The following RYR3 variants were observed in gnomAD, a reference collection of about 807,000 sequenced individuals.
RYR3 encodes brain ryanodine receptor-calcium release channel.
A neutral mutation model predicts 584.3 loss-of-function variants in RYR3; 207 were observed. The ratio of observed to expected loss-of-function variants is 0.35; its 90% CI spans 0.32 to 0.40. RYR3 has a LOEUF of 0.40. Ranked by LOEUF, RYR3 falls within the 10% of genes least tolerant of loss-of-function variation. RYR3 has a pLI of 1.00. For synonymous variants in RYR3, 2,416 were observed against 2,248.5 expected (o/e 1.07, Z -2.11); for missense variants, 5,616 against 6,089.2 (o/e 0.92, Z 2.59).
chr15:33,586,902 C>T (rs922293234), intron 16 of RYR3, among the ~76,000 whole-genome samples: 3 of 152,044 alleles, frequency 2.0e-5, no homozygotes, highest in Non-Finnish European at 2.9e-5. Flanking sequence ...CGATATTCAA[C>T]GGCTCAGGAG....
At chr15:33,419,069 T>A (rs1041114702) in intron 1 of RYR3, among the ~76,000 whole-genome samples, 1 of 152,108 alleles carries the variant, frequency 6.6e-6, no homozygotes, top group Admixed American at 6.6e-5. Context: ...TTATATGCAT[T>A]TAAGCCTTTG....
chr15:33,539,830 A>T (rs1193305295), intron 6 of RYR3, among the ~76,000 whole-genome samples: 1 of 152,174 alleles, frequency 6.6e-6, no homozygotes, highest in East Asian at 1.9e-4. Context: ...AAGAGAAAGT[A>T]TATATACTGT....
At position 33,540,870 on chromosome 15, in the gene RYR3, C is replaced by T. The variant is rs1339051502; in HGVS notation, c.626C>T (p.Ser209Leu). 9.9e-6 allele frequency: 16 copies of T among 1,610,498 alleles called. No homozygotes were observed. Among genetic ancestry groups the T allele is most frequent in the Non-Finnish European group, 1.3e-5 (15 of 1,176,900 alleles). The change falls in exon 7 of 104, where the codon TCA becomes TTA. Residue 209 changes from serine (S) to leucine (L), a missense_variant. By Grantham distance (145) the Ser-to-Leu change is moderately radical. This residue lies in a region of RYR3 where 1,284 missense variants were observed against 1,344.6 expected (regional missense o/e 0.95). Coordinates refer to ENST00000634891, the MANE Select transcript of RYR3 (RefSeq NM_001036.6). ...QTLWNVHPTC[S>L]GSSIEEGYLL... ...CTCTGGAATGTACATCCTACGTGCT[C>T]AGGAAGTAGCATCGAAGAAGGTGTG...
At chr15:33,614,553 A>G (rs1703692577) in intron 19 of RYR3, among the ~76,000 whole-genome samples, 1 of 152,030 alleles carries the variant, frequency 6.6e-6, no homozygotes, top group South Asian at 2.1e-4. Context: ...AACATTTTTT[A>G]TGCTTACTTT....
At chr15:33,837,442 T>C (rs1410706112) in intron 88 of RYR3, among the ~76,000 whole-genome samples, 189 bp from the exon 89 acceptor site, 1 of 152,196 alleles carries the variant, frequency 6.6e-6, no homozygotes, top group Non-Finnish European at 1.5e-5. Flanking sequence ...CCTTCTTCCC[T>C]TTGTTTCTTT....
chr15:33,534,689 G>T (rs535799634), intron 5 of RYR3, among the ~76,000 whole-genome samples: 1 of 152,270 alleles, frequency 6.6e-6, no homozygotes, highest in Admixed American at 6.5e-5. Flanking sequence ...GACTTGCTGG[G>T]GTTCTTCCAA....
At chr15:33,626,822 C>A (rs2152617327) in intron 20 of RYR3, among the ~76,000 whole-genome samples, 1 of 152,232 alleles carries the variant, frequency 6.6e-6, no homozygotes, top group African/African-American at 2.4e-5. Context: ...TGTGAGTGCA[C>A]AGAAGTCAAG....
rs143158674 is a variant in RYR3 at position 33,585,471 on chromosome 15, G to C, written c.1670-527G>C. The stretch of plus-strand genomic sequence containing the variant: ...AGTGTGCCAAAAAAAAGGGGGAAAA[G>C]CCAAATAGACTTTATTGTGTGAGCT... On this transcript the variant is annotated intron_variant, in intron 15 of 103. Transcript: ENST00000634891. Among the ~76,000 whole-genome samples, 195 of 152,214 alleles carry C rather than the reference G, an allele frequency of 1.3e-3. 1 individual carries two copies. The highest frequency in any genetic ancestry group is 4.3e-3 in the African/African-American group (180 of 41,514).
chr15:33,841,870 A>G lies in RYR3; in HGVS notation c.13044A>G (p.Glu4348=), dbSNP rs2078389927. 2 of 1,592,080 alleles carry G rather than the reference A, an allele frequency of 1.3e-6. No homozygotes were observed. The highest frequency in any genetic ancestry group is 8.6e-7 in the Non-Finnish European group (1 of 1,169,286). The change falls in exon 91 of 104, where the codon GAA becomes GAG. Residue 4348 remains glutamate, a synonymous_variant. Coordinates refer to ENST00000634891, the MANE Select transcript of RYR3 (RefSeq NM_001036.6). ...GKVESEKADM[E]DGEKEDKDKE... ...GGGTTTCCCATTTCTGCAGCATGGA[A>G]GATGGAGAGAAGGAAGACAAAGACA...
chr15:33,425,937 T>C (rs1032567234), intron 1 of RYR3, among the ~76,000 whole-genome samples: 4 of 152,172 alleles, frequency 2.6e-5, no homozygotes, highest in African/African-American at 9.7e-5. Flanking sequence ...CCACCGCGCC[T>C]GGACTGTTTT....
At chr15:33,600,977 G>A (rs1235838176) in intron 16 of RYR3, among the ~76,000 whole-genome samples, 1 of 152,110 alleles carries the variant, frequency 6.6e-6, no homozygotes, top group African/African-American at 2.4e-5. Flanking sequence ...GTCCACAGAG[G>A]GTCTTTTATC....
intron 19 of RYR3, among the ~76,000 whole-genome samples, chr15:33,621,827 C>A (rs1595866447): frequency 3.3e-5 from 5 of 152,116 alleles, no homozygotes; most frequent in African/African-American, 1.2e-4. Flanking sequence ...AGGATATTTC[C>A]ACGATCACAA....
At position 33,597,908 on chromosome 15, in the gene RYR3, C is replaced by CT. The variant is rs35363480; in HGVS notation, c.1789-3500dup. On this transcript the variant is annotated intron_variant, in intron 16 of 103. Transcript: ENST00000634891. ...TAGATTTATAAAGACTCCTCCCCCA[C>CT]TTTTTTTTTTTCTGTCTTAGACTTT... Among the ~76,000 whole-genome samples, 205 of 146,802 alleles carry CT rather than the reference C, an allele frequency of 1.4e-3. 1 individual carries two copies. Among genetic ancestry groups the CT allele is most frequent in the African/African-American group, 3.9e-3 (156 of 40,416 alleles).
chr15:33,351,454 C>A (rs1223589827), intron 1 of RYR3, among the ~76,000 whole-genome samples: 1 of 150,196 alleles, frequency 6.7e-6, no homozygotes, highest in African/African-American at 2.4e-5. Flanking sequence ...GAGACACAAC[C>A]AAAAAAGAGA....
intron 3 of RYR3, among the ~76,000 whole-genome samples, chr15:33,510,626 G>T (rs186616371): frequency 1.3e-5 from 2 of 148,898 alleles, no homozygotes; most frequent in East Asian, 3.9e-4. Context: ...AGGTTCTCCT[G>T]TGAATTTTCT....
At chr15:33,463,118 C>T (rs1044978082) in intron 1 of RYR3, among the ~76,000 whole-genome samples, 2 of 151,826 alleles carry the variant, frequency 1.3e-5, no homozygotes, top group Non-Finnish European at 2.9e-5. Flanking sequence ...GAACTGTCAT[C>T]GCACCACTGC....
chr15:33,641,215 C>T (rs955879606), intron 27 of RYR3, among the ~76,000 whole-genome samples: 14 of 152,234 alleles, frequency 9.2e-5, no homozygotes, highest in Non-Finnish European at 1.9e-4. Flanking sequence ...TGGCTTCAGT[C>T]CCCGTTGCTT....
intron 1 of RYR3, among the ~76,000 whole-genome samples, chr15:33,398,648 C>G (rs2042440362): frequency 6.6e-6 from 1 of 152,166 alleles, no homozygotes; most frequent in Non-Finnish European, 1.5e-5. Context: ...TCTTCTCTCC[C>G]AGGTGGGTGG....
intron 2 of RYR3, among the ~76,000 whole-genome samples, chr15:33,487,313 C>G (rs2050532110): frequency 6.6e-6 from 1 of 151,708 alleles, no homozygotes; most frequent in Non-Finnish European, 1.5e-5. Flanking sequence ...GGTGAGAGAA[C>G]TAAGAAAATG....
Sources: allele counts gnomAD v4.1 joint callset (sites outside exome capture counted in the v4.1 genomes callset), GRCh38; gene constraint gnomAD v4.1.1; regional missense constraint gnomAD v4.1.1; transcripts MANE v1.5; gene names NCBI Gene and HGNC (gene_info 2026-07-23, HGNC 2026-07-21).